SAMD5: variants seen among roughly 807,000 people sequenced by gnomAD.
SAMD5 encodes sterile alpha motif domain-containing protein 5.
A neutral mutation model predicts 11.3 loss-of-function variants in SAMD5; 13 were observed. The observed-to-expected ratio is 1.15, with a 90% CI of 0.75 to 1.83. The LOEUF (loss-of-function observed/expected upper bound fraction) is 1.83, where lower values mean the gene tolerates loss of function less well. SAMD5 is among the 40% of genes most tolerant of loss of function. The probability of loss-of-function intolerance (pLI) is 0.00; values close to 1 mark genes in which losing one functional copy is unlikely to be tolerated. For synonymous variants in SAMD5, 129 were observed against 111.3 expected (o/e 1.16, Z -1.00); for missense variants, 255 against 239.1 (o/e 1.07, Z -0.44).
At chr6:147,799,967 C>A in the SAMD5 span, among the ~76,000 whole-genome samples, 1 of 151,932 alleles carries the variant, frequency 6.6e-6, no homozygotes, top group Non-Finnish European at 1.5e-5. Flanking sequence ...GTTATACATT[C>A]TTCTAAATTT....
At chr6:147,920,334 G>C in the SAMD5 span, among the ~76,000 whole-genome samples, 6 of 152,286 alleles carry the variant, frequency 3.9e-5, no homozygotes, top group Admixed American at 2.0e-4. Flanking sequence ...CAGACTCAAA[G>C]TTCTATAGCT....
chr6:147,927,700 A>G, the SAMD5 span, among the ~76,000 whole-genome samples: 1 of 152,134 alleles, frequency 6.6e-6, no homozygotes, highest in African/African-American at 2.4e-5. Context: ...TTCCAATGCA[A>G]TGTAGAATGG....
chr6:147,747,079 A>ACAT, the SAMD5 span, among the ~76,000 whole-genome samples: 7 of 152,208 alleles, frequency 4.6e-5, no homozygotes, highest in African/African-American at 1.4e-4. Flanking sequence ...AGGGATGCTG[A>ACAT]CACTAAAGGT....
chr6:147,646,974 AT>A (rs1790413312), intron 1 of SAMD5, among the ~76,000 whole-genome samples: 1 of 20,158 alleles, frequency 5.0e-5, no homozygotes, highest in Non-Finnish European at 9.7e-5. Context: ...CTCATCTCTA[AT>A]AATAATAATA....
intron 1 of SAMD5, among the ~76,000 whole-genome samples, chr6:147,686,712 T>TG (rs1791016862): frequency 6.6e-6 from 1 of 151,516 alleles, no homozygotes; most frequent in African/African-American, 2.4e-5. Flanking sequence ...TAACAACTCT[T>TG]TTTTTTTTCC....
downstream of SAMD5, among the ~76,000 whole-genome samples, chr6:147,739,404 G>A (rs1455267081): frequency 2.6e-5 from 4 of 152,004 alleles, no homozygotes; most frequent in East Asian, 5.8e-4. Flanking sequence ...GAGACCAGCC[G>A]GGCAACATAG....
the SAMD5 span, among the ~76,000 whole-genome samples, chr6:147,763,649 T>C: frequency 6.6e-6 from 1 of 151,980 alleles, no homozygotes; most frequent in Non-Finnish European, 1.5e-5. Flanking sequence ...GGCGCGATTT[T>C]GGCTCACTGC....
At chr6:147,905,592 G>C in the SAMD5 span, among the ~76,000 whole-genome samples, 1 of 152,108 alleles carries the variant, frequency 6.6e-6, no homozygotes, top group Non-Finnish European at 1.5e-5. Context: ...CACTGTCAAT[G>C]TGTTGGTATG....
chr6:147,520,571 C>T (rs1788238220), intron 1 of SAMD5, among the ~76,000 whole-genome samples: 1 of 152,154 alleles, frequency 6.6e-6, no homozygotes, highest in African/African-American at 2.4e-5. Flanking sequence ...GTCTATATTA[C>T]AATTTATGAC....
intron 1 of SAMD5, among the ~76,000 whole-genome samples, chr6:147,603,945 C>A (rs761490473): frequency 1.3e-5 from 2 of 152,150 alleles, no homozygotes; most frequent in African/African-American, 2.4e-5. Flanking sequence ...CTCTAACATT[C>A]TTTCTAGAAG....
intron 1 of SAMD5, among the ~76,000 whole-genome samples, chr6:147,719,904 C>G (rs547424385): frequency 6.6e-6 from 1 of 152,040 alleles, no homozygotes; most frequent in African/African-American, 2.4e-5. Flanking sequence ...ATGAATAATC[C>G]GGGAAGATGC....
chr6:147,837,598 G>T, the SAMD5 span, among the ~76,000 whole-genome samples: 1 of 152,176 alleles, frequency 6.6e-6, no homozygotes, highest in Non-Finnish European at 1.5e-5. Flanking sequence ...CCACAATGGC[G>T]GCTGGCCTTA....
intron 1 of SAMD5, among the ~76,000 whole-genome samples, chr6:147,625,472 A>G (rs993323160): frequency 6.6e-6 from 1 of 152,248 alleles, no homozygotes; most frequent in Non-Finnish European, 1.5e-5. Context: ...TCAATTGTTT[A>G]TTAAAAGAAT....
At chr6:147,868,053 T>C in the SAMD5 span, among the ~76,000 whole-genome samples, 2 of 152,238 alleles carry the variant, frequency 1.3e-5, no homozygotes, top group Admixed American at 1.3e-4. Context: ...ATGTGAATTA[T>C]ATACTTTTTA....
downstream of SAMD5, among the ~76,000 whole-genome samples, chr6:147,572,018 C>G (rs957973605): frequency 6.6e-6 from 1 of 151,260 alleles, no homozygotes; most frequent in Non-Finnish European, 1.5e-5. Flanking sequence ...ACCAGGCCAT[C>G]AGTACATCTG....
At chr6:147,632,854 A>T (rs1790171398) in intron 1 of SAMD5, among the ~76,000 whole-genome samples, 1 of 152,240 alleles carries the variant, frequency 6.6e-6, no homozygotes, top group Non-Finnish European at 1.5e-5. Flanking sequence ...CAGAATTTCT[A>T]CATAAAAATT....
At chr6:147,760,825 T>C in the SAMD5 span, among the ~76,000 whole-genome samples, 1,046 of 152,338 alleles carry the variant, frequency 6.9e-3, 11 homozygotes, top group African/African-American at 0.024. Context: ...CTAGTCTTCA[T>C]TGACCTCTTT....
intron 1 of SAMD5, among the ~76,000 whole-genome samples, chr6:147,694,164 G>A (rs17077242): frequency 0.075 from 11,346 of 152,176 alleles, 582 homozygotes; most frequent in South Asian, 0.2. Flanking sequence ...GTTCACTTGC[G>A]GCAGTTTGCT....
At chr6:147,744,920 A>AATAAATAAATAAATAAATAAAGAAATAG in the SAMD5 span, among the ~76,000 whole-genome samples, 1 of 150,946 alleles carries the variant, frequency 6.6e-6, no homozygotes, top group African/African-American at 2.5e-5. Flanking sequence ...TAAATAAATA[A>AATAAATAAATAAATAAATAAAGAAATAG]ATAAGTAAGT....
Sources: allele counts gnomAD v4.1 joint callset (sites outside exome capture counted in the v4.1 genomes callset), GRCh38; gene constraint gnomAD v4.1.1; transcripts MANE v1.5; gene names NCBI Gene and HGNC (gene_info 2026-07-23, HGNC 2026-07-21).